Variants in ZFHX3 observed in about 807,000 individuals in gnomAD.
ZFHX3 encodes the protein zinc finger homeobox 3.
Under a neutral mutation model 279.1 loss-of-function variants are expected in ZFHX3, and 42 were observed. The ratio of observed to expected loss-of-function variants is 0.15; its 90% CI spans 0.12 to 0.19. The LOEUF (loss-of-function observed/expected upper bound fraction) is 0.19, where lower values mean the gene tolerates loss of function less well. Among genes scored for constraint, ZFHX3 ranks in the 10% least tolerant of loss-of-function variants. The probability of loss-of-function intolerance (pLI) is 1.00; values close to 1 mark genes in which losing one functional copy is unlikely to be tolerated. For missense variants in ZFHX3, 4,981 were observed against 4,754.0 expected, an observed-to-expected ratio of 1.05 and a Z score of -1.40; for synonymous variants, 2,293 against 1,957.8, an observed-to-expected ratio of 1.17 and a Z score of -4.52.
At chr16:73,746,867 T>C (rs925695547) in intron 1 of ZFHX3, among the ~76,000 whole-genome samples, 2 of 152,216 alleles carry the variant, frequency 1.3e-5, no homozygotes, top group Non-Finnish European at 2.9e-5. Context: ...CTAGCCTTCT[T>C]TTTTCCTTAT....
At chr16:73,201,247 G>A (rs1383512894) in intron 5 of ZFHX3, among the ~76,000 whole-genome samples, 3 of 152,204 alleles carry the variant, frequency 2.0e-5, no homozygotes, top group Non-Finnish European at 4.4e-5. Context: ...AGTTTGGGCT[G>A]CCAGGGGCTA....
chr16:73,254,892 TTATC>T (rs1210739129), intron 5 of ZFHX3, among the ~76,000 whole-genome samples: 2 of 152,046 alleles, frequency 1.3e-5, no homozygotes, highest in African/African-American at 4.8e-5. Context: ...ATCCACCTGT[TTATC>T]TATCCATCCA....
chr16:73,190,221 G>A (rs879411192), intron 5 of ZFHX3, among the ~76,000 whole-genome samples: 29 of 152,254 alleles, frequency 1.9e-4, no homozygotes, highest in Non-Finnish European at 4.3e-4. Flanking sequence ...GTATTACACA[G>A]CTGGTGAATT....
intron 5 of ZFHX3, among the ~76,000 whole-genome samples, chr16:73,182,453 T>C (rs1457542656): frequency 1.3e-5 from 2 of 152,044 alleles, no homozygotes; most frequent in Non-Finnish European, 2.9e-5. Context: ...AGAGACTCTG[T>C]CGCAAAACAA....
chr16:72,960,951 G>A (rs1227722414), intron 1 of ZFHX3, among the ~76,000 whole-genome samples: 1 of 152,082 alleles, frequency 6.6e-6, no homozygotes, highest in African/African-American at 2.4e-5. Flanking sequence ...CCATGAAACA[G>A]AAGAAAAGAT....
chr16:73,252,304 G>T (rs1207118919), intron 5 of ZFHX3, among the ~76,000 whole-genome samples: 3 of 152,196 alleles, frequency 2.0e-5, no homozygotes, highest in Admixed American at 1.3e-4. Flanking sequence ...ATGTAGAGGG[G>T]CCTACAGGAA....
chr16:72,959,938 G>A lies in ZFHX3; in HGVS notation c.208C>T (p.Pro70Ser), dbSNP rs1373994234. 2.5e-6 allele frequency: 4 copies of A among 1,600,132 alleles called. No individual in the cohort carries two copies. The highest frequency in any genetic ancestry group is 3.4e-6 in the Non-Finnish European group (4 of 1,173,090). The change falls in exon 2 of 10, where the codon CCC becomes TCC. Residue 70 changes from proline (P) to serine (S), a missense_variant. This residue lies in a region of ZFHX3 where 1,068 missense variants were observed against 935.2 expected (regional missense o/e 1.14). Coordinates refer to ENST00000268489, the MANE Select transcript of ZFHX3 (RefSeq NM_006885.4). ...TCCTTGCTGGCGGGCTCGGAGGGGG[G>A]CCCGGCCGACGCGGTGCTCTCCGCG... is the stretch of plus-strand genomic sequence containing the variant. ...RLAESTASAG[P>S]PSEPASKEVT...
chr16:73,594,902 C>T (rs1188464305), intron 2 of ZFHX3, among the ~76,000 whole-genome samples: 1 of 152,206 alleles, frequency 6.6e-6, no homozygotes, highest in Non-Finnish European at 1.5e-5. Context: ...AGTACAGGGT[C>T]CAATTTCATC....
At chr16:73,665,109 T>C (rs1047760245) in intron 2 of ZFHX3, among the ~76,000 whole-genome samples, 3 of 151,980 alleles carry the variant, frequency 2.0e-5, no homozygotes, top group African/African-American at 7.3e-5. Flanking sequence ...AGAGGATGAA[T>C]ACAAAAGTAA....
chr16:72,875,591 T>C (rs943496003), intron 4 of ZFHX3, among the ~76,000 whole-genome samples: 1 of 152,242 alleles, frequency 6.6e-6, no homozygotes, highest in East Asian at 1.9e-4. Context: ...TTCTCCTTGA[T>C]GAACAAACCA....
chr16:72,820,638 C>T (rs543804693), intron 5 of ZFHX3, among the ~76,000 whole-genome samples: 2 of 152,270 alleles, frequency 1.3e-5, no homozygotes, highest in South Asian at 4.1e-4. Context: ...TGTTGGTTCC[C>T]CCAAAATATG....
chr16:73,751,276 ATTTGGCACTGAGTACAATGT>A (rs1478656555), intron 1 of ZFHX3, among the ~76,000 whole-genome samples: 1 of 152,198 alleles, frequency 6.6e-6, no homozygotes, highest in African/African-American at 2.4e-5. Context: ...CCCATACTCT[ATTTGGCACTGAGTACAATGT>A]TTTGAATAGA....
chr16:73,127,348 T>C (rs914649405), intron 7 of ZFHX3: 1 of 1,304,876 alleles, frequency 7.7e-7, no homozygotes, highest in Non-Finnish European at 1.0e-6. Flanking sequence ...GGAAAGCCGA[T>C]AAAAAGTCAA....
In ZFHX3 at chr16:72,948,122, G is replaced by A. The variant is rs574729019; in HGVS notation, c.3216+2347C>T. 1.9e-3 allele frequency among the ~76,000 whole-genome samples: 283 copies of A among 152,304 alleles called. 1 individual carries two copies. The highest frequency in any genetic ancestry group is 0.01 in the Middle Eastern group (3 of 292). Reference sequence around the variant, plus strand: ...CGGTGTCATCCAGGAGTGAGCGGGAGAGCTCCCCGCCCCCTGTGGCGAAGC... The same window carrying A: ...CGGTGTCATCCAGGAGTGAGCGGGAAAGCTCCCCGCCCCCTGTGGCGAAGC... On this transcript the variant is annotated intron_variant, in intron 3 of 9. Coordinates refer to ENST00000268489, the MANE Select transcript of ZFHX3 (RefSeq NM_006885.4).
rs1199223719 is a variant in ZFHX3 at position 73,027,200 on chromosome 16, A to T, written c.-50+20552T>A. Among the ~76,000 whole-genome samples, 4 of 152,354 alleles carry T rather than the reference A, an allele frequency of 2.6e-5. No individual in the cohort carries two copies. In the South Asian group the frequency reaches 8.3e-4, roughly 32 times the overall value. On this transcript the variant is annotated intron_variant, in intron 1 of 9. Coordinates refer to ENST00000268489, the MANE Select transcript of ZFHX3 (RefSeq NM_006885.4). ...CATTCTTGGTTGGCAGGCCATGCCA[A>T]CATGTGTTGGGTCGGAACTGGCCCG...
intron 3 of ZFHX3, among the ~76,000 whole-genome samples, chr16:73,350,467 A>T (rs1052960494): frequency 2.0e-5 from 3 of 152,166 alleles, no homozygotes; most frequent in Non-Finnish European, 4.4e-5. Flanking sequence ...AATTCCGGCC[A>T]TACGTCTTTC....
chr16:73,048,134 C>A, upstream of ZFHX3: 1 of 153,314 alleles, frequency 6.5e-6, no homozygotes, highest in South Asian at 1.9e-4. Context: ...TAAATGAAGC[C>A]CAACTCGCAG....
intron 2 of ZFHX3, among the ~76,000 whole-genome samples, chr16:73,462,673 T>C (rs965680234): frequency 6.6e-6 from 1 of 152,200 alleles, no homozygotes; most frequent in African/African-American, 2.4e-5. Context: ...AATCATGTGA[T>C]TATACATTCC....
At chr16:73,560,352 C>T (rs981009514) in intron 2 of ZFHX3, among the ~76,000 whole-genome samples, 4 of 152,202 alleles carry the variant, frequency 2.6e-5, no homozygotes, top group African/African-American at 9.7e-5. Context: ...CATTTGTGTT[C>T]GGACTGGCTA....
Sources: allele counts gnomAD v4.1 joint callset (sites outside exome capture counted in the v4.1 genomes callset), GRCh38; gene constraint gnomAD v4.1.1; regional missense constraint gnomAD v4.1.1; transcripts MANE v1.5; gene names NCBI Gene and HGNC (gene_info 2026-07-23, HGNC 2026-07-21).